GPC5: variants seen among roughly 807,000 people sequenced by gnomAD.
GPC5 encodes glypican 5, also known as glypican-5.
Under a neutral mutation model 53.9 loss-of-function variants are expected in GPC5, and 47 were observed. The observed-to-expected ratio is 0.87, with a 90% CI of 0.69 to 1.11. The LOEUF is 1.11. Among genes scored for constraint, GPC5 ranks in the 50% most tolerant of loss-of-function variants. GPC5 has a pLI of 0.00. For missense variants in GPC5, 748 were observed against 713.1 expected, an observed-to-expected ratio of 1.05 and a Z score of -0.56; for synonymous variants, 286 against 263.3, an observed-to-expected ratio of 1.09 and a Z score of -0.84.
chr13:91,573,464 A>G (rs1014074195), intron 2 of GPC5, among the ~76,000 whole-genome samples: 4 of 152,206 alleles, frequency 2.6e-5, no homozygotes, highest in Non-Finnish European at 4.4e-5. Flanking sequence ...CGTATTACAA[A>G]GTAATGAAGC....
At chr13:92,167,492 A>C (rs2042040156) in intron 7 of GPC5, among the ~76,000 whole-genome samples, 1 of 152,204 alleles carries the variant, frequency 6.6e-6, no homozygotes, top group Non-Finnish European at 1.5e-5. Context: ...AGATCTAGAA[A>C]ATAGAACAGA....
intron 6 of GPC5, among the ~76,000 whole-genome samples, chr13:92,093,017 C>T (rs2041393190): frequency 6.6e-6 from 1 of 152,102 alleles, no homozygotes; most frequent in South Asian, 2.1e-4. Context: ...GAATTATTTG[C>T]AATTTACACA....
intron 7 of GPC5, among the ~76,000 whole-genome samples, chr13:92,685,706 T>G (rs1887253803): frequency 1.2e-5 from 1 of 86,884 alleles, no homozygotes; most frequent in South Asian, 5.5e-4. Context: ...ATGCTATCCC[T>G]CCCCCCTCCC....
chr13:92,477,048 A>G (rs1447033615), intron 7 of GPC5, among the ~76,000 whole-genome samples: 2 of 120,414 alleles, frequency 1.7e-5, no homozygotes, highest in Non-Finnish European at 3.4e-5. Context: ...GTATAATAAT[A>G]AAAAATAAAT....
At chr13:92,496,058 GTT>G (rs1178158844) in intron 7 of GPC5, among the ~76,000 whole-genome samples, 1 of 151,766 alleles carries the variant, frequency 6.6e-6, no homozygotes, top group Admixed American at 6.6e-5. Context: ...TTTTGTTATG[GTT>G]TTCCCACAAT....
At chr13:92,590,584 C>T (rs1452081859) in intron 7 of GPC5, among the ~76,000 whole-genome samples, 2 of 152,178 alleles carry the variant, frequency 1.3e-5, no homozygotes, top group African/African-American at 4.8e-5. Flanking sequence ...CTCAAACATT[C>T]CTTCTGAATT....
chr13:92,090,887 G>A (rs775832463), intron 6 of GPC5, among the ~76,000 whole-genome samples: 1 of 152,216 alleles, frequency 6.6e-6, no homozygotes, highest in Non-Finnish European at 1.5e-5. Context: ...TTAAGATCAT[G>A]TGCATCTCCA....
At chr13:92,121,287 G>T (rs1256745910) in intron 6 of GPC5, among the ~76,000 whole-genome samples, 2 of 152,110 alleles carry the variant, frequency 1.3e-5, no homozygotes, top group Non-Finnish European at 2.9e-5. Flanking sequence ...TCACATTTGT[G>T]GGGGTTGGGT....
chr13:91,430,923 G>A (rs1038684723), intron 1 of GPC5, among the ~76,000 whole-genome samples: 9 of 152,146 alleles, frequency 5.9e-5, no homozygotes, highest in Non-Finnish European at 1.3e-4. Flanking sequence ...TACATAGGCT[G>A]GAGTGCAGGG....
chr13:92,107,051 A>G (rs565283917), intron 6 of GPC5, among the ~76,000 whole-genome samples: 11 of 152,246 alleles, frequency 7.2e-5, no homozygotes, highest in Middle Eastern at 3.4e-3. Flanking sequence ...TATCTGTAAA[A>G]TTGGTTTAGA....
chr13:91,543,131 C>CA (rs2030058653), intron 2 of GPC5, among the ~76,000 whole-genome samples: 1 of 152,000 alleles, frequency 6.6e-6, no homozygotes, highest in Non-Finnish European at 1.5e-5. Context: ...GCTGGGATTA[C>CA]AGGCGTGAGC....
At chr13:91,781,666 A>G (rs754895127) in intron 5 of GPC5, among the ~76,000 whole-genome samples, 18 of 152,238 alleles carry the variant, frequency 1.2e-4, no homozygotes, top group Non-Finnish European at 2.5e-4. Flanking sequence ...TGAAATAGGC[A>G]TATCTTCCTC....
chr13:91,748,395 TCC>T (rs948093639), intron 4 of GPC5, among the ~76,000 whole-genome samples: 2 of 152,176 alleles, frequency 1.3e-5, no homozygotes, highest in African/African-American at 4.8e-5. Flanking sequence ...TAGGAATAGG[TCC>T]CCTAATTTAA....
chr13:92,795,251 C>A (rs889822479), intron 7 of GPC5, among the ~76,000 whole-genome samples: 3 of 152,148 alleles, frequency 2.0e-5, no homozygotes, highest in Non-Finnish European at 4.4e-5. Context: ...ACCATCTGGT[C>A]TTTGACAAAC....
At chr13:92,177,819 A>G (rs989287159) in intron 7 of GPC5, among the ~76,000 whole-genome samples, 1 of 152,216 alleles carries the variant, frequency 6.6e-6, no homozygotes, top group Non-Finnish European at 1.5e-5. Context: ...TTTAGTTTAA[A>G]TTAATTACAA....
Position 91,745,550 on chromosome 13 carries a change from A to G in GPC5, c.1155-10745A>G, listed in dbSNP as rs577873247. Among the ~76,000 whole-genome samples the G allele has an allele frequency of 6.6e-5, 10 of 152,154 alleles. No homozygotes were observed. In the South Asian group the frequency reaches 1.9e-3, roughly 28 times the overall value. Reference sequence around the variant, plus strand: ...TGAAATCACAGTAAATCCTCTAATAAAGGGGAATCATGTCATGTGAGGGAG... The same window carrying G: ...TGAAATCACAGTAAATCCTCTAATAGAGGGGAATCATGTCATGTGAGGGAG... On this transcript the variant is annotated intron_variant, in intron 4 of 7. Coordinates refer to ENST00000377067, the MANE Select transcript of GPC5 (RefSeq NM_004466.6).
At chr13:91,905,408 C>G (rs2039542956) in intron 5 of GPC5, among the ~76,000 whole-genome samples, 1 of 151,882 alleles carries the variant, frequency 6.6e-6, no homozygotes, top group Non-Finnish European at 1.5e-5. Context: ...TGCCAAATCC[C>G]TAATGAATAC....
At chr13:91,777,860 C>T (rs886733400) in intron 5 of GPC5, among the ~76,000 whole-genome samples, 2 of 152,062 alleles carry the variant, frequency 1.3e-5, no homozygotes, top group African/African-American at 4.8e-5. Context: ...GGTCAGATGA[C>T]TTCCTCTTCA....
chr13:92,755,411 T>A (rs1469264365), intron 7 of GPC5, among the ~76,000 whole-genome samples: 2 of 147,790 alleles, frequency 1.4e-5, no homozygotes, highest in East Asian at 4.0e-4. Context: ...AACATCACAA[T>A]TAAAAGAACT....
Sources: allele counts gnomAD v4.1 joint callset (sites outside exome capture counted in the v4.1 genomes callset), GRCh38; gene constraint gnomAD v4.1.1; transcripts MANE v1.5; gene names NCBI Gene and HGNC (gene_info 2026-07-23, HGNC 2026-07-21).